Variants in SYNPR observed in about 807,000 individuals in gnomAD.
SYNPR encodes synaptoporin.
In SYNPR, 23 loss-of-function variants were observed where a neutral mutation model predicts 32.9. The ratio of observed to expected loss-of-function variants is 0.70; its 90% confidence interval spans 0.50 to 0.99. SYNPR has a LOEUF of 0.99. Ranked by LOEUF, SYNPR falls within the 50% of genes least tolerant of loss-of-function variation. SYNPR has a pLI of 0.00. For missense variants in SYNPR, 318 were observed against 349.3 expected (o/e 0.91, Z 0.71); for synonymous variants, 146 against 135.9 (o/e 1.07, Z -0.52).
chr3:63,558,833 T>C (rs1056823083), intron 4 of SYNPR, among the ~76,000 whole-genome samples: 15 of 151,166 alleles, frequency 9.9e-5, no homozygotes, highest in African/African-American at 3.4e-4. Context: ...TATAATAGGG[T>C]AATTAATAAT....
At chr3:63,363,034 T>C (rs1352730604) in intron 2 of SYNPR, among the ~76,000 whole-genome samples, 1 of 152,224 alleles carries the variant, frequency 6.6e-6, no homozygotes, top group Non-Finnish European at 1.5e-5. Context: ...GTAATATTCT[T>C]ATGCAAATAA....
At chr3:63,505,350 T>C (rs1701567580) in intron 3 of SYNPR, among the ~76,000 whole-genome samples, 1 of 152,188 alleles carries the variant, frequency 6.6e-6, no homozygotes, top group African/African-American at 2.4e-5. Context: ...AGGTTTTAAA[T>C]GCCTCAAATA....
At chr3:63,500,174 G>A (rs191001253) in intron 3 of SYNPR, among the ~76,000 whole-genome samples, 5 of 152,088 alleles carry the variant, frequency 3.3e-5, no homozygotes, top group Admixed American at 1.3e-4. Context: ...TAATATTTTC[G>A]TTTGAGTAAA....
intron 2 of SYNPR, among the ~76,000 whole-genome samples, chr3:63,468,152 C>T (rs143633175): frequency 0.012 from 1,809 of 147,362 alleles, 37 homozygotes; most frequent in African/African-American, 0.043. Context: ...AGAGATGGTG[C>T]CGTTGCACTC....
intron 3 of SYNPR, among the ~76,000 whole-genome samples, chr3:63,524,477 T>C (rs569199083): frequency 6.6e-6 from 1 of 152,122 alleles, no homozygotes; most frequent in Non-Finnish European, 1.5e-5. Flanking sequence ...TATCATCCTA[T>C]ATTTTAAACA....
intron 2 of SYNPR, among the ~76,000 whole-genome samples, chr3:63,283,623 CTTTTTTT>C (rs10650958): frequency 9.0e-6 from 1 of 111,530 alleles, no homozygotes; most frequent in Non-Finnish European, 1.7e-5. Flanking sequence ...ACAGATAATT[CTTTTTTT>C]TTTTTTTTTT....
At chr3:63,613,501 T>G (rs79354128) in intron 5 of SYNPR, among the ~76,000 whole-genome samples, 5,727 of 149,370 alleles carry the variant, frequency 0.038, 376 homozygotes, top group African/African-American at 0.13. Context: ...GGGAGGTCTG[T>G]ACAAACCAGT....
intron 2 of SYNPR, chr3:63,427,386 C>T (rs568102180): frequency 1.3e-5 from 2 of 152,110 alleles, no homozygotes; most frequent in Non-Finnish European, 2.9e-5. Flanking sequence ...TTAATCATTT[C>T]CCCAGTGTAT....
chr3:63,504,570 A>T (rs886921227), intron 3 of SYNPR, among the ~76,000 whole-genome samples: 1 of 152,130 alleles, frequency 6.6e-6, no homozygotes, highest in Non-Finnish European at 1.5e-5. Flanking sequence ...CTAGCCCACC[A>T]AACCTCCGTA....
At position 63,281,084 on chromosome 3, in the gene SYNPR, G is replaced by C. The variant is rs1283775929; in HGVS notation, c.84+2342G>C. On this transcript the variant is annotated intron_variant, in intron 2 of 5. Transcript: ENST00000478300. ...ACATTTTGTGTGCACACAATGGCTT[G>C]AGGAGGCACTCTGAGGTATCTTTTT... 2.0e-5 allele frequency among the ~76,000 whole-genome samples: 3 copies of C among 152,180 alleles called. No individual in the cohort carries two copies. The East Asian group carries it at 5.8e-4, about 29-fold the overall frequency.
chr3:63,546,765 T>C (rs1702411847), intron 3 of SYNPR, among the ~76,000 whole-genome samples: 2 of 152,154 alleles, frequency 1.3e-5, no homozygotes, highest in Non-Finnish European at 2.9e-5. Context: ...ACTTAATGCA[T>C]AACCAAATCA....
At chr3:63,320,960 A>G (rs1425677019) in intron 2 of SYNPR, among the ~76,000 whole-genome samples, 1 of 152,002 alleles carries the variant, frequency 6.6e-6, no homozygotes. Flanking sequence ...CAATCTATTA[A>G]TTTTTGAAAG....
chr3:63,376,751 A>G (rs571251505), intron 2 of SYNPR, among the ~76,000 whole-genome samples: 2 of 152,226 alleles, frequency 1.3e-5, no homozygotes, highest in East Asian at 1.9e-4. Flanking sequence ...TGATTGTCTC[A>G]TCTGGAGTAG....
At chr3:63,516,062 A>G (rs991890658) in intron 3 of SYNPR, among the ~76,000 whole-genome samples, 1 of 152,118 alleles carries the variant, frequency 6.6e-6, no homozygotes, top group African/African-American at 2.4e-5. Flanking sequence ...TTCAAAAAAA[A>G]TTATATTTTC....
rs11390803 is a variant in SYNPR at position 63,460,572 on chromosome 3, C to CAAAAA, written c.85-20241_85-20237dup. Among the ~76,000 whole-genome samples, 112 of 45,692 alleles carry CAAAAA rather than the reference C, an allele frequency of 2.5e-3. 9 individuals are homozygous for CAAAAA. Among genetic ancestry groups the CAAAAA allele is most frequent in the African/African-American group, 8.7e-3 (96 of 10,992 alleles). 30.0% of individuals were successfully genotyped at this position (45,692 alleles called of 152,430 possible). On this transcript the variant is annotated intron_variant, in intron 2 of 5. Coordinates refer to ENST00000478300, the MANE Select transcript of SYNPR (RefSeq NM_001130003.2). ...ACAGCATAGGTGAGGATTGGTAGAC[C>CAAAAA]AAAAAAAAAAAAAAAAAAAAAAAGC...
chr3:63,384,919 T>A (rs1410303384), intron 2 of SYNPR, among the ~76,000 whole-genome samples: 1 of 152,196 alleles, frequency 6.6e-6, no homozygotes, highest in Non-Finnish European at 1.5e-5. Context: ...AGAAGAGCTC[T>A]TACCCTCTAT....
intron 1 of SYNPR, among the ~76,000 whole-genome samples, chr3:63,245,747 G>C (rs1260905354): frequency 8.9e-6 from 1 of 112,962 alleles, no homozygotes. Context: ...GTGTATGTGT[G>C]TGTGTGTGTG....
At chr3:63,436,249 G>A (rs1159257774) in intron 2 of SYNPR, among the ~76,000 whole-genome samples, 1 of 151,362 alleles carries the variant, frequency 6.6e-6, no homozygotes, top group Non-Finnish European at 1.5e-5. Context: ...TGTTACATAT[G>A]TATGCATGTG....
intron 2 of SYNPR, among the ~76,000 whole-genome samples, chr3:63,339,327 A>G (rs2087334481): frequency 6.6e-6 from 1 of 152,194 alleles, no homozygotes; most frequent in Admixed American, 6.5e-5. Flanking sequence ...GCAAATTAAC[A>G]AATTTTGTGG....
Sources: gnomAD v4.1 joint callset for allele counts (sites outside exome capture counted in the v4.1 genomes callset) on GRCh38, gnomAD v4.1.1 for gene constraint, MANE v1.5 for transcripts, NCBI Gene and HGNC (gene_info 2026-07-23, HGNC 2026-07-21) for gene names.